The following ZRANB3 variants were observed in gnomAD, a reference collection of about 807,000 sequenced individuals.
The protein encoded by ZRANB3 is DNA annealing helicase and endonuclease ZRANB3.
In ZRANB3, 125 loss-of-function variants were observed where a neutral mutation model predicts 133.8. The observed-to-expected ratio is 0.93, with a 90% CI of 0.81 to 1.08. The LOEUF is 1.08. ZRANB3 is among the 50% of genes least tolerant of loss of function. ZRANB3 has a pLI of 0.00. For synonymous variants in ZRANB3, 387 were observed against 432.7 expected, an observed-to-expected ratio of 0.89 and a Z score of 1.31; for missense variants, 1,229 against 1,275.5, an observed-to-expected ratio of 0.96 and a Z score of 0.56.
intron 2 of ZRANB3, among the ~76,000 whole-genome samples, chr2:135,420,117 ATATATAT>A (rs199499904): frequency 0.078 from 8,187 of 104,302 alleles, 753 homozygotes; most frequent in African/African-American, 0.29. Flanking sequence ...ATATATATAT[ATATATAT>A]AACTTATAGA....
chr2:135,362,127 G>A (rs1449337666), intron 3 of ZRANB3, among the ~76,000 whole-genome samples: 1 of 151,764 alleles, frequency 6.6e-6, no homozygotes, highest in Middle Eastern at 3.2e-3. Context: ...GAACCTGGGA[G>A]GCGGAGCTTG....
intron 2 of ZRANB3, among the ~76,000 whole-genome samples, chr2:135,452,132 CT>C (rs1390318500): frequency 7.2e-5 from 11 of 152,232 alleles, no homozygotes; most frequent in African/African-American, 2.6e-4. Flanking sequence ...AAAGGCACTT[CT>C]TACATGGCAG....
chr2:135,420,091 T>TTATATATATATATATATA lies in ZRANB3; in HGVS notation c.162-29289_162-29272dup, dbSNP rs201217358. On this transcript the variant is annotated intron_variant, in intron 2 of 20. Transcript: ENST00000264159. ...TAAGATACATATATATATCTTAGATTTATATATATATATATATATATATAT... is the reference window on the plus strand; with the variant it reads ...TAAGATACATATATATATCTTAGATTTATATATATATATATATATATATATATATATATATATATATAT... Among the ~76,000 whole-genome samples, 241 of 72,340 alleles carry TTATATATATATATATATA rather than the reference T, an allele frequency of 3.3e-3. 4 individuals carry two copies. The highest frequency in any genetic ancestry group is 0.018 in the Middle Eastern group (2 of 110). 47.5% of individuals were successfully genotyped at this position (72,340 alleles called of 152,430 possible).
chr2:135,338,796 GTGTGTA>G (rs1558927315), intron 6 of ZRANB3, among the ~76,000 whole-genome samples: 1 of 152,170 alleles, frequency 6.6e-6, no homozygotes, highest in Non-Finnish European at 1.5e-5. Flanking sequence ...ATGTGCATAT[GTGTGTA>G]TGTGTATATC....
At chr2:135,420,633 T>C (rs540571367) in intron 2 of ZRANB3, among the ~76,000 whole-genome samples, 1 of 152,274 alleles carries the variant, frequency 6.6e-6, no homozygotes, top group East Asian at 1.9e-4. Context: ...ATTGATAAAG[T>C]AGATCTGTTT....
intron 2 of ZRANB3, among the ~76,000 whole-genome samples, chr2:135,488,479 A>C (rs1692221393): frequency 6.6e-6 from 1 of 152,004 alleles, no homozygotes; most frequent in Non-Finnish European, 1.5e-5. Flanking sequence ...TATGCTATAT[A>C]ATCAAATATA....
At chr2:135,246,202 C>T (rs563923614) in intron 12 of ZRANB3, among the ~76,000 whole-genome samples, 48 of 151,506 alleles carry the variant, frequency 3.2e-4, no homozygotes, top group African/African-American at 1.0e-3. Flanking sequence ...CAGTGCCTGG[C>T]CATCCTTGAT....
At chr2:135,395,202 A>T (rs1227356423) in intron 2 of ZRANB3, among the ~76,000 whole-genome samples, 1 of 152,126 alleles carries the variant, frequency 6.6e-6, no homozygotes, top group Non-Finnish European at 1.5e-5. Flanking sequence ...CCATACATCT[A>T]CAGTGAACTC....
chr2:135,328,603 G>C (rs1404678047), intron 6 of ZRANB3, among the ~76,000 whole-genome samples: 1 of 152,126 alleles, frequency 6.6e-6, no homozygotes, highest in Non-Finnish European at 1.5e-5. Flanking sequence ...GGGTCAAATG[G>C]TATTTCTAGT....
intron 20 of ZRANB3, 129 bp from the exon 21 acceptor site, chr2:135,200,569 T>C (rs1352387502): frequency 1.4e-6 from 1 of 740,454 alleles, no homozygotes. Context: ...TGGTTGGCTA[T>C]GGAAGAGTTA....
chr2:135,337,459 A>AC (rs1684418054), intron 6 of ZRANB3, among the ~76,000 whole-genome samples: 1 of 152,208 alleles, frequency 6.6e-6, no homozygotes, highest in African/African-American at 2.4e-5. Context: ...TGGAAGGAAG[A>AC]CGGGGTAGAC....
chr2:135,232,240 G>C (rs559736360), intron 12 of ZRANB3, among the ~76,000 whole-genome samples: 1 of 152,342 alleles, frequency 6.6e-6, no homozygotes, highest in South Asian at 2.1e-4. Context: ...AGTGAGGCTG[G>C]GGGAGGGGCG....
chr2:135,329,015 T>C (rs892859267), intron 6 of ZRANB3, among the ~76,000 whole-genome samples: 1 of 152,254 alleles, frequency 6.6e-6, no homozygotes, highest in African/African-American at 2.4e-5. Flanking sequence ...AGGTTGCCTG[T>C]TCACTCTGAT....
intron 3 of ZRANB3, among the ~76,000 whole-genome samples, chr2:135,369,411 T>C (rs1686072631): frequency 6.6e-6 from 1 of 152,092 alleles, no homozygotes; most frequent in African/African-American, 2.4e-5. Flanking sequence ...TATGAGAAGA[T>C]TAGAACCTGC....
At chr2:135,510,525 C>T (rs369489393) in intron 1 of ZRANB3, 44 of 632,108 alleles carry the variant, frequency 7.0e-5, no homozygotes, top group South Asian at 3.3e-4. Context: ...TTTGTATGGC[C>T]GCGTGAAGAT....
chr2:135,324,618 A>T (rs2104838428), intron 6 of ZRANB3, among the ~76,000 whole-genome samples: 1 of 152,270 alleles, frequency 6.6e-6, no homozygotes, highest in African/African-American at 2.4e-5. Context: ...GGCTGGGTCA[A>T]ATGGTATTTC....
intron 8 of ZRANB3, among the ~76,000 whole-genome samples, chr2:135,290,300 G>C (rs1455536957): frequency 3.3e-5 from 5 of 152,146 alleles, no homozygotes; most frequent in Non-Finnish European, 7.3e-5. Flanking sequence ...ACATATTTAG[G>C]ATTGTGGTAT....
At chr2:135,449,302 T>A (rs142163625) in intron 2 of ZRANB3, among the ~76,000 whole-genome samples, 87 of 152,262 alleles carry the variant, frequency 5.7e-4, no homozygotes, top group Non-Finnish European at 9.6e-4. Context: ...CCATTACAGA[T>A]AATAAAACAA....
At chr2:135,329,374 T>G (rs988399478) in intron 6 of ZRANB3, among the ~76,000 whole-genome samples, 12 of 152,106 alleles carry the variant, frequency 7.9e-5, no homozygotes, top group African/African-American at 2.9e-4. Flanking sequence ...GTTGTAGATG[T>G]GTGGTGTTAT....
Sources: gnomAD v4.1 joint callset for allele counts (sites outside exome capture counted in the v4.1 genomes callset) on GRCh38, gnomAD v4.1.1 for gene constraint, MANE v1.5 for transcripts, NCBI Gene and HGNC (gene_info 2026-07-23, HGNC 2026-07-21) for gene names.